Variants in SUGCT observed in about 807,000 individuals in gnomAD.
SUGCT encodes the protein succinyl-CoA:glutarate-CoA transferase.
SUGCT carries 41 observed loss-of-function variants against 55.0 expected under a neutral mutation model. That is an observed-to-expected ratio of 0.74 (90% CI 0.58 to 0.97). SUGCT has a LOEUF of 0.97. Ranked by LOEUF, SUGCT falls within the 50% of genes least tolerant of loss-of-function variation. The pLI, the probability that SUGCT is intolerant of heterozygous loss-of-function variation, is 0.00. For synonymous variants in SUGCT, 187 were observed against 200.4 expected (o/e 0.93, Z 0.56); for missense variants, 568 against 547.8 (o/e 1.04, Z -0.37).
intron 9 of SUGCT, among the ~76,000 whole-genome samples, chr7:40,346,138 A>G (rs1349782225): frequency 1.3e-5 from 2 of 152,034 alleles, no homozygotes; most frequent in African/African-American, 2.4e-5. Context: ...AAAGCTTGGT[A>G]GAGATAATCT....
At chr7:40,551,334 G>A (rs1795288317) in intron 12 of SUGCT, among the ~76,000 whole-genome samples, 1 of 152,136 alleles carries the variant, frequency 6.6e-6, no homozygotes, top group African/African-American at 2.4e-5. Flanking sequence ...GGGATATTAT[G>A]TGTCTTTTGA....
At chr7:40,161,942 G>A (rs968959930) in intron 1 of SUGCT, among the ~76,000 whole-genome samples, 2 of 152,042 alleles carry the variant, frequency 1.3e-5, no homozygotes, top group African/African-American at 4.8e-5. Context: ...CTGTCACCAG[G>A]CTGGAGTGCA....
At chr7:40,589,411 G>A (rs1381866676) in intron 12 of SUGCT, among the ~76,000 whole-genome samples, 1 of 152,108 alleles carries the variant, frequency 6.6e-6, no homozygotes, top group Non-Finnish European at 1.5e-5. Context: ...ATGCTGCCTT[G>A]ATCAGCCTTC....
Position 40,344,154 on chromosome 7 carries a change from A to G in SUGCT, c.816+27299A>G, listed in dbSNP as rs1797194720. Among the ~76,000 whole-genome samples the G allele has an allele frequency of 2.6e-5, 4 of 152,366 alleles. No homozygotes were observed. In the South Asian group the frequency reaches 8.3e-4, roughly 32 times the overall value. On this transcript the variant is annotated intron_variant, in intron 9 of 13. Transcript: ENST00000335693. ...CTGAAACTTGTGAAATTATGGATTT[A>G]AATTGGCAGCTTAGGATGTGTTTCC...
At chr7:40,317,986 C>T (rs180688917) in intron 9 of SUGCT, among the ~76,000 whole-genome samples, 9 of 152,132 alleles carry the variant, frequency 5.9e-5, no homozygotes, top group East Asian at 1.9e-4. Flanking sequence ...CTGCACCATT[C>T]GTTTTATGAC....
At chr7:40,994,377 C>T in the SUGCT span, among the ~76,000 whole-genome samples, 2 of 143,850 alleles carry the variant, frequency 1.4e-5, no homozygotes, top group Non-Finnish European at 1.5e-5. Context: ...AAGATATTTA[C>T]ATCCCACTTC....
At chr7:40,973,107 C>A in the SUGCT span, among the ~76,000 whole-genome samples, 1 of 152,112 alleles carries the variant, frequency 6.6e-6, no homozygotes, top group South Asian at 2.1e-4. Flanking sequence ...ATTGCTTGCC[C>A]CCAGGTTGGT....
chr7:40,835,917 G>A (rs1187298554), intron 13 of SUGCT, among the ~76,000 whole-genome samples: 2 of 143,776 alleles, frequency 1.4e-5, no homozygotes. Flanking sequence ...TGGTGAGACA[G>A]GGTCTCACTC....
intron 10 of SUGCT, among the ~76,000 whole-genome samples, chr7:40,458,752 A>G (rs540428988): frequency 4.6e-5 from 7 of 152,294 alleles, no homozygotes; most frequent in Admixed American, 3.9e-4. Context: ...CCAGTTTAGC[A>G]TCTCTCTCCC....
the SUGCT span, among the ~76,000 whole-genome samples, chr7:40,971,879 C>T: frequency 9.9e-5 from 15 of 152,210 alleles, 2 homozygotes; most frequent in South Asian, 2.7e-3. Context: ...TTGTCATATG[C>T]TCTTTTTTTT....
At chr7:40,395,443 C>G (rs1785670324) in intron 9 of SUGCT, among the ~76,000 whole-genome samples, 1 of 143,648 alleles carries the variant, frequency 7.0e-6, no homozygotes, top group Non-Finnish European at 1.5e-5. Context: ...GAGCCGAGAT[C>G]CTGCCATTGC....
At chr7:41,023,687 C>T in the SUGCT span, among the ~76,000 whole-genome samples, 2 of 151,262 alleles carry the variant, frequency 1.3e-5, no homozygotes, top group African/African-American at 2.5e-5. Context: ...CCCATGTCAC[C>T]CACTGCTGGG....
chr7:40,146,335 A>G (rs1410865623), intron 1 of SUGCT, among the ~76,000 whole-genome samples: 1 of 152,208 alleles, frequency 6.6e-6, no homozygotes, highest in Non-Finnish European at 1.5e-5. Context: ...GTTTACAGTG[A>G]CAACTGCTGA....
intron 9 of SUGCT, among the ~76,000 whole-genome samples, chr7:40,341,268 C>T (rs950610103): frequency 6.6e-6 from 1 of 152,036 alleles, no homozygotes; most frequent in East Asian, 1.9e-4. Context: ...TATACTTGAG[C>T]TATTTGAAAG....
intron 13 of SUGCT, among the ~76,000 whole-genome samples, chr7:40,780,713 A>G (rs557530407): frequency 2.6e-5 from 4 of 151,040 alleles, no homozygotes; most frequent in Non-Finnish European, 5.9e-5. Context: ...GGAAGAAAAA[A>G]TTGGCAGGAC....
At chr7:40,599,232 G>T (rs1161433773) in intron 12 of SUGCT, among the ~76,000 whole-genome samples, 1 of 152,154 alleles carries the variant, frequency 6.6e-6, no homozygotes, top group Non-Finnish European at 1.5e-5. Flanking sequence ...GATACCATAG[G>T]GTTGGGAGAG....
chr7:40,354,795 A>G (rs1207484734), intron 9 of SUGCT, among the ~76,000 whole-genome samples: 1 of 152,272 alleles, frequency 6.6e-6, no homozygotes, highest in Non-Finnish European at 1.5e-5. Flanking sequence ...AAGTAGTAGC[A>G]GGAGATGAGG....
chr7:40,975,933 C>A, the SUGCT span, among the ~76,000 whole-genome samples: 2 of 152,190 alleles, frequency 1.3e-5, no homozygotes, highest in Non-Finnish European at 1.5e-5. Context: ...ATGGCCAATT[C>A]TTTCATAGCC....
At chr7:40,254,424 G>T (rs1790655702) in intron 7 of SUGCT, among the ~76,000 whole-genome samples, 1 of 151,990 alleles carries the variant, frequency 6.6e-6, no homozygotes, top group African/African-American at 2.4e-5. Context: ...TTTTGCAACA[G>T]TCTTGTTCTG....
Sources: allele counts gnomAD v4.1 joint callset (sites outside exome capture counted in the v4.1 genomes callset), GRCh38; gene constraint gnomAD v4.1.1; transcripts MANE v1.5; gene names NCBI Gene and HGNC (gene_info 2026-07-23, HGNC 2026-07-21).